Variants in CLASP1 observed in about 807,000 individuals in gnomAD.
CLASP1 encodes CLIP-associating protein 1.
A neutral mutation model predicts 192.3 loss-of-function variants in CLASP1; 38 were observed. That is an observed-to-expected ratio of 0.20 (90% CI 0.15 to 0.26). CLASP1 has a LOEUF of 0.26. Ranked by LOEUF, CLASP1 falls within the 10% of genes least tolerant of loss-of-function variation. The pLI is 1.00. For synonymous variants in CLASP1, 691 were observed against 712.8 expected (o/e 0.97, Z 0.49); for missense variants, 1,433 against 1,932.5 (o/e 0.74, Z 4.85).
chr2:121,395,727 G>A (rs1301687988), intron 30 of CLASP1, among the ~76,000 whole-genome samples: 1 of 152,162 alleles, frequency 6.6e-6, no homozygotes, highest in African/African-American at 2.4e-5. Context: ...AACCAGGCAG[G>A]TATTCCATCA....
At chr2:121,602,034 G>A (rs1262280138) in intron 2 of CLASP1, among the ~76,000 whole-genome samples, 1 of 152,006 alleles carries the variant, frequency 6.6e-6, no homozygotes, top group Admixed American at 6.5e-5. Flanking sequence ...AATCAGCCGG[G>A]TATGGTGGTG....
At chr2:121,483,087 A>G (rs563696209) in intron 8 of CLASP1, among the ~76,000 whole-genome samples, 5 of 152,242 alleles carry the variant, frequency 3.3e-5, no homozygotes, top group African/African-American at 1.2e-4. Flanking sequence ...CATCTGTAGG[A>G]ATCTTCCTCT....
intron 8 of CLASP1, among the ~76,000 whole-genome samples, chr2:121,479,310 T>A (rs753396187): frequency 6.6e-6 from 1 of 152,042 alleles, no homozygotes; most frequent in Non-Finnish European, 1.5e-5. Context: ...TGCAAAAACT[T>A]AGAACCAATA....
At chr2:121,519,083 A>G (rs1359574678) in intron 6 of CLASP1, among the ~76,000 whole-genome samples, 1 of 152,208 alleles carries the variant, frequency 6.6e-6, no homozygotes, top group Non-Finnish European at 1.5e-5. Flanking sequence ...TAAGAGATTT[A>G]CTGGAAAAAT....
chr2:121,597,027 C>T (rs562045927), intron 2 of CLASP1, among the ~76,000 whole-genome samples: 2 of 152,242 alleles, frequency 1.3e-5, no homozygotes, highest in South Asian at 2.1e-4. Context: ...ACTGGACAGA[C>T]CTAGACAGCT....
chr2:121,343,293 A>T (rs539943657), intron 39 of CLASP1, among the ~76,000 whole-genome samples: 1 of 152,348 alleles, frequency 6.6e-6, no homozygotes, highest in East Asian at 1.9e-4. Flanking sequence ...ACTGTTGGTC[A>T]GAACGTAAAA....
exon 29 of CLASP1, chr2:121,398,341 G>T: frequency 6.3e-7 from 1 of 1,599,078 alleles, no homozygotes; most frequent in Non-Finnish European, 8.5e-7. Flanking sequence ...TGGAGTTTGA[G>T]TTTGATCCAC....
chr2:121,492,680 A>T (rs933793204), intron 8 of CLASP1, among the ~76,000 whole-genome samples: 3 of 151,968 alleles, frequency 2.0e-5, no homozygotes, highest in African/African-American at 7.2e-5. Flanking sequence ...AAAATAAAAA[A>T]AAAAAAAAAC....
At chr2:121,528,582 G>A (rs1339203179) in intron 4 of CLASP1, 95 bp downstream of exon 4, 3 of 903,274 alleles carry the variant, frequency 3.3e-6, no homozygotes, top group Admixed American at 1.7e-5. Context: ...TAAGTCTATG[G>A]AGTCACACCA....
intron 8 of CLASP1, among the ~76,000 whole-genome samples, chr2:121,488,928 TATCA>T (rs1218231744): frequency 6.6e-6 from 1 of 152,214 alleles, no homozygotes; most frequent in Non-Finnish European, 1.5e-5. Context: ...TGAAAAAATA[TATCA>T]AGTGAAAGAA....
At position 121,355,244 on chromosome 2, in the gene CLASP1, C is replaced by G. The variant is rs147677614; in HGVS notation, c.4207-6526G>C. 2.6e-3 allele frequency among the ~76,000 whole-genome samples: 401 copies of G among 152,322 alleles called. 1 individual carries two copies. The highest frequency in any genetic ancestry group is 8.9e-3 in the African/African-American group (368 of 41,576). ...GTGGGTTCAAGCGATTCTCCTGCCT[C>G]AGCCTCCGAGTAGCTGGGACTACAG... On this transcript the variant is annotated intron_variant, in intron 37 of 39. Transcript: ENST00000263710.
intron 1 of CLASP1, among the ~76,000 whole-genome samples, chr2:121,615,528 G>A (rs1049428374): frequency 1.3e-5 from 2 of 151,922 alleles, no homozygotes; most frequent in Non-Finnish European, 2.9e-5. Context: ...CGGGTGCGGT[G>A]GCTCAAACCT....
At chr2:121,543,262 CAT>C (rs2095268549) in intron 2 of CLASP1, among the ~76,000 whole-genome samples, 2 of 152,208 alleles carry the variant, frequency 1.3e-5, no homozygotes, top group South Asian at 4.1e-4. Flanking sequence ...CACTTGATAA[CAT>C]GTGGGACTGA....
At chr2:121,547,613 C>A (rs1032524603) in intron 2 of CLASP1, among the ~76,000 whole-genome samples, 6 of 152,178 alleles carry the variant, frequency 3.9e-5, no homozygotes, top group African/African-American at 1.2e-4. Context: ...TGTCCCAGAG[C>A]TGCAATGGGC....
In CLASP1 at chr2:121,470,293, C is replaced by CTTTTTTTTTTTT. The variant is rs70954550; in HGVS notation, c.713-345_713-334dup. ...TCTGCAACATTTCTGACCATCCATGCTTTTTTTTTTTTTTTTTTTTTTTTT... is the reference window on the plus strand; with the variant it reads ...TCTGCAACATTTCTGACCATCCATGCTTTTTTTTTTTTTTTTTTTTTTTTTTTTTTTTTTTTT... On this transcript the variant is annotated intron_variant, in intron 8 of 39. Transcript: ENST00000263710. 1.2e-4 allele frequency: 38 copies of CTTTTTTTTTTTT among 309,086 alleles called. 4 individuals carry two copies. The highest frequency in any genetic ancestry group is 1.4e-4 in the Non-Finnish European group (24 of 167,174). 19.1% of individuals were successfully genotyped at this position (309,086 alleles called of 1,614,324 possible).
intron 2 of CLASP1, chr2:121,530,863 C>A: frequency 3.0e-6 from 2 of 677,914 alleles, no homozygotes; most frequent in Non-Finnish European, 5.4e-6. Context: ...GCTTGCAGCC[C>A]AGGGACTTTC....
intron 6 of CLASP1, 68 bp downstream of exon 6, chr2:121,525,777 G>T: frequency 9.1e-7 from 1 of 1,096,294 alleles, no homozygotes; most frequent in South Asian, 1.3e-5. Flanking sequence ...ACCCACTACG[G>T]AACACCAGAA....
rs767631334 is a variant in CLASP1, at chr2:121,527,909, A to G, written c.379-19T>C. 11 of 1,593,462 alleles carry G rather than the reference A, an allele frequency of 6.9e-6. No individual in the cohort carries two copies. The highest frequency in any genetic ancestry group is 2.6e-6 in the Non-Finnish European group (3 of 1,161,532). On this transcript the variant is annotated intron_variant, in intron 4 of 39. Coordinates refer to ENST00000263710, the Ensembl canonical transcript of CLASP1. ...ATACGTACTGCAGATGACAAAGAAC[A>G]GGTGAGGAAAGGAGAAGACTGCTGC...
intron 8 of CLASP1, among the ~76,000 whole-genome samples, chr2:121,481,825 A>G (rs1424991395): frequency 1.3e-5 from 2 of 152,188 alleles, no homozygotes; most frequent in African/African-American, 2.4e-5. Flanking sequence ...TCTAGTAAGC[A>G]TGCTTGTGTC....
Sources: gnomAD v4.1 joint callset for allele counts (sites outside exome capture counted in the v4.1 genomes callset) on GRCh38, gnomAD v4.1.1 for gene constraint, MANE v1.5 for transcripts, NCBI Gene and HGNC (gene_info 2026-07-23, HGNC 2026-07-21) for gene names.